ELAC2: variants seen among roughly 807,000 people sequenced by gnomAD.
The protein encoded by ELAC2 is elaC ribonuclease Z 2, also known as zinc phosphodiesterase ELAC protein 2.
A neutral mutation model predicts 105.2 loss-of-function variants in ELAC2; 92 were observed. The observed-to-expected ratio is 0.87, with a 90% CI of 0.74 to 1.04. The LOEUF is 1.04. Among genes scored for constraint, ELAC2 ranks in the 50% least tolerant of loss-of-function variants. The pLI is 0.00. For synonymous variants in ELAC2, 468 were observed against 409.1 expected, an observed-to-expected ratio of 1.14 and a Z score of -1.74; for missense variants, 1,099 against 1,071.7, an observed-to-expected ratio of 1.03 and a Z score of -0.36.
intron 7 of ELAC2, 136 bp downstream of exon 7, chr17:13,011,527 G>A: frequency 6.9e-7 from 1 of 1,454,812 alleles, no homozygotes; most frequent in Non-Finnish European, 9.6e-7. Context: ...AACGGGCCAA[G>A]TTATAGTAAG....
intron 10 of ELAC2, 47 bp from the exon 11 acceptor site, chr17:13,005,148 C>A (rs1270921456): frequency 1.5e-6 from 2 of 1,329,560 alleles, no homozygotes; most frequent in Non-Finnish European, 2.2e-6. Context: ...AGCTCAGCCA[C>A]CAAACTGAAC....
intron 23 of ELAC2, 39 bp downstream of exon 23, chr17:12,993,648 C>G: frequency 1.9e-6 from 3 of 1,613,632 alleles, no homozygotes; most frequent in African/African-American, 1.3e-5. Context: ...TGTCTCCCTG[C>G]CCCGTCCCCG....
chr17:13,015,777 A>T lies in ELAC2; in HGVS notation c.423T>A (p.Pro141=), dbSNP rs1160709457. Residue 141 remains proline (P), a synonymous_variant, in exon 4 of 24, where the codon CCT becomes CCA. Transcript: ENST00000338034. Reference sequence around the variant, plus strand: ...GTCAGGAAAGACTCACCAGTTGTGGAGGTCCAGAAAGTACACACTTTGGAA... The same window carrying T: ...GTCAGGAAAGACTCACCAGTTGTGGTGGTCCAGAAAGTACACACTTTGGAA... ...TGLPKCVLSG[P]PQLEKYLEAI... 2.5e-6 allele frequency: 4 copies of T among 1,613,338 alleles called. No individual in the cohort carries two copies. In the African/African-American group the frequency reaches 5.3e-5, roughly 22 times the overall value.
At chr17:12,993,168 A>T in intron 23 of ELAC2, 123 bp from the exon 24 acceptor site, 1 of 1,014,144 alleles carries the variant, frequency 9.9e-7, no homozygotes, top group South Asian at 1.3e-5. Context: ...GGCACAAGCC[A>T]ACAGGCCACA....
rs543918059 is a variant in ELAC2, at chr17:13,014,457, A to C, written c.472T>G (p.Leu158Val). The C allele has an allele frequency of 2.2e-5, 35 of 1,613,816 alleles. No homozygotes were observed. Among genetic ancestry groups the C allele is most frequent in the Non-Finnish European group, 3.0e-5 (35 of 1,179,732 alleles). The change falls in exon 5 of 24, where the codon TTG (leucine) becomes GTG (valine). Residue 158 changes from leucine to valine, a missense_variant. Physicochemically the swap from Leu to Val is conservative, Grantham distance 32. Transcript: ENST00000338034. Reference sequence around the variant, plus strand: ...GACGTACCCAGTTCTATTCCTTTCAATGGACCAGAAAATATTTTGATTGCT... The same window carrying C: ...GACGTACCCAGTTCTATTCCTTTCACTGGACCAGAAAATATTTTGATTGCT... ...LEAIKIFSGP[L>V]KGIELAVRPH...
chr17:13,002,697 G>T lies in ELAC2; in HGVS notation c.1080-118C>A, dbSNP rs535259520. ...AGGTGTTCAAACAGTTCAGTGACTT[G>T]CCCCAAGCAGTGTTACTACATGGCC... is the stretch of plus-strand genomic sequence containing the variant. On this transcript the variant is annotated intron_variant, in intron 12 of 23. Transcript: ENST00000338034. 6 of 1,496,350 alleles carry T rather than the reference G, an allele frequency of 4.0e-6. No homozygotes were observed. In the African/African-American group the frequency reaches 5.5e-5, roughly 14 times the overall value. The allele number at this position is 1,496,350 out of a possible 1,614,324, so 92.7% of individuals were successfully genotyped here.
At chr17:13,003,960 C>A (rs1421602532) in intron 11 of ELAC2, 2 of 243,874 alleles carry the variant, frequency 8.2e-6, no homozygotes, top group East Asian at 2.1e-4. Context: ...CTCGAATAAA[C>A]CTCCTGCACC....
Position 12,994,478 on chromosome 17 carries a change from A to G in ELAC2, c.2055T>C (p.His685=). 1.2e-6 allele frequency: 2 copies of G among 1,614,148 alleles called. No homozygotes were observed. The highest frequency in any genetic ancestry group is 1.3e-5 in the African/African-American group (1 of 75,020). Residue 685 remains histidine (H), a synonymous_variant, in exon 22 of 24, where the codon CAT becomes CAC. Transcript: ENST00000338034. ...CCAAACCATCTTCCAGGGTGGCTTCATGTATCAGGAGGGTGGCATCTTTCC... is the reference window on the plus strand; with the variant it reads ...CCAAACCATCTTCCAGGGTGGCTTCGTGTATCAGGAGGGTGGCATCTTTCC... ...RMGKDATLLI[H]EATLEDGLEE... is the part of the protein sequence containing the mutation.
chr17:12,994,275 T>TG, intron 22 of ELAC2, 150 bp downstream of exon 22: 1 of 920,594 alleles, frequency 1.1e-6, no homozygotes, highest in African/African-American at 1.6e-5. Context: ...CAAGAGCCTG[T>TG]GAGCACTGCC....
At chr17:13,003,230 A>G (rs1397754364) in intron 12 of ELAC2, among the ~76,000 whole-genome samples, 3 of 152,166 alleles carry the variant, frequency 2.0e-5, no homozygotes, top group African/African-American at 4.8e-5. Flanking sequence ...TTGTTCAGAC[A>G]CCCTGAAGAG....
intron 17 of ELAC2, chr17:12,996,317 TA>T: frequency 1.5e-6 from 1 of 679,744 alleles, no homozygotes; most frequent in Admixed American, 2.4e-5. Context: ...GAAGGCTGGG[TA>T]AACTCAAACC....
At chr17:12,996,786 A>G in intron 16 of ELAC2, 101 bp from the exon 17 acceptor site, 1 of 1,496,504 alleles carries the variant, frequency 6.7e-7, no homozygotes, top group Admixed American at 1.9e-5. Context: ...CAACTGCAGA[A>G]ATTTCTGTCT....
At chr17:13,011,237 C>T (rs78885785) in intron 7 of ELAC2, among the ~76,000 whole-genome samples, 13,045 of 152,316 alleles carry the variant, frequency 0.086, 775 homozygotes, top group Middle Eastern at 0.2. Context: ...CTTTTAACTC[C>T]GTTTCCCAGT....
rs562733805 is a variant in ELAC2 at position 13,017,895 on chromosome 17, T to G, written c.53A>C (p.Gln18Pro). 5.8e-6 allele frequency: 9 copies of G among 1,543,378 alleles called. No homozygotes were observed. In the South Asian group the frequency reaches 1.1e-4, roughly 18 times the overall value. Residue 18 changes from glutamine to proline, a missense_variant, in exon 1 of 24, where the codon CAG becomes CCG. Gln to Pro is a moderately conservative substitution (Grantham distance 76). Transcript: ENST00000338034. ...LRSAAGRTMS[Q>P]GRTISQAPAR... ...GGGTGCCTGCGATATGGTGCGTCCC[T>G]GCGACATGGTGCGTCCGGCCGCGGA...
chr17:13,005,961 T>C lies in ELAC2; in HGVS notation c.757A>G (p.Asn253Asp). The change falls in exon 9 of 24, where the codon AAC (asparagine) becomes GAC (aspartate). Residue 253 changes from asparagine (N) to aspartate (D), a missense_variant. Transcript: ENST00000338034. Reference sequence around the variant, plus strand: ...TCCTTTGCTTTGAGCACCAAGAAGTTTCCTCTCTTTAAGTGAAGCTGCAAC... The same window carrying C: ...TCCTTTGCTTTGAGCACCAAGAAGTCTCCTCTCTTTAAGTGAAGCTGCAAC... ...FICKLHLKRG[N>D]FLVLKAKEMG... The C allele has an allele frequency of 6.2e-7, 1 of 1,614,200 alleles. No individual in the cohort carries two copies. The highest frequency in any genetic ancestry group is 8.5e-7 in the Non-Finnish European group (1 of 1,180,034).
intron 14 of ELAC2, 71 bp from the exon 15 acceptor site, chr17:13,000,345 G>A (rs1338737285): frequency 1.3e-5 from 18 of 1,374,268 alleles, no homozygotes; most frequent in Non-Finnish European, 1.9e-5. Context: ...CATTGGGGAT[G>A]TCCAGAATAA....
At chr17:12,996,457 G>A in intron 17 of ELAC2, 90 bp downstream of exon 17, 2 of 1,596,210 alleles carry the variant, frequency 1.3e-6, no homozygotes, top group Non-Finnish European at 8.5e-7. Flanking sequence ...GGCAAGTTTG[G>A]AAGCGGAGGA....
chr17:12,995,058 T>TC lies in ELAC2; in HGVS notation c.1812dup (p.Ile605AspfsTer11). On this transcript the variant is annotated frameshift_variant, in exon 20 of 24. Coordinates refer to ENST00000338034, the MANE Select transcript of ELAC2 (RefSeq NM_018127.7). LOFTEE classifies it high-confidence loss of function. ...CCTTCCTGAAGGCATTTGGCAGGAA[T>TC]CATACTGTAAAAAGACAAAACATTT... 1.2e-6 allele frequency: 2 copies of TC among 1,614,082 alleles called. No homozygotes were observed. The highest frequency in any genetic ancestry group is 8.5e-7 in the Non-Finnish European group (1 of 1,179,976).
intron 8 of ELAC2, chr17:13,006,188 T>C: frequency 1.7e-6 from 1 of 571,556 alleles, no homozygotes; most frequent in Non-Finnish European, 3.1e-6. Flanking sequence ...CTGACCAACG[T>C]GGAGAAACCC....
Sources: allele counts gnomAD v4.1 joint callset (sites outside exome capture counted in the v4.1 genomes callset), GRCh38; gene constraint gnomAD v4.1.1; transcripts MANE v1.5; gene names NCBI Gene and HGNC (gene_info 2026-07-23, HGNC 2026-07-21).